Variants in SYNJ2BP observed in about 807,000 individuals in gnomAD.
The protein encoded by SYNJ2BP is synaptojanin-2-binding protein.
A neutral mutation model predicts 16.9 loss-of-function variants in SYNJ2BP; 10 were observed. The ratio of observed to expected loss-of-function variants is 0.59; its 90% CI spans 0.36 to 1.00. SYNJ2BP has a LOEUF of 1.00. Among genes scored for constraint, SYNJ2BP ranks in the 50% least tolerant of loss-of-function variants. The probability of loss-of-function intolerance (pLI) is 0.01; values close to 1 mark genes in which losing one functional copy is unlikely to be tolerated. For synonymous variants in SYNJ2BP, 54 were observed against 68.4 expected (o/e 0.79, Z 1.04); for missense variants, 162 against 186.7 (o/e 0.87, Z 0.77).
In SYNJ2BP at chr14:70,410,219, A is replaced by G. The variant is rs974702275; in HGVS notation, c.64+6681T>C. On this transcript the variant is annotated intron_variant, in intron 1 of 3. Transcript: ENST00000256366. ...AACTTGAGCTCAGGAGTTGGAGACCAGCCTGGGCAACATGGTGAAACCCCG... is the reference window on the plus strand; with the variant it reads ...AACTTGAGCTCAGGAGTTGGAGACCGGCCTGGGCAACATGGTGAAACCCCG... Among the ~76,000 whole-genome samples the G allele has an allele frequency of 2.5e-4, 38 of 152,290 alleles. 1 individual carries two copies. Among genetic ancestry groups the G allele is most frequent in the Admixed American group, 1.6e-3 (25 of 15,298 alleles).
At chr14:70,416,229 G>A (rs1397653679) in intron 1 of SYNJ2BP, among the ~76,000 whole-genome samples, 1 of 151,406 alleles carries the variant, frequency 6.6e-6, no homozygotes, top group Non-Finnish European at 1.5e-5. Flanking sequence ...CACATGAGGT[G>A]TTCATAAAAA....
At chr14:70,392,012 C>T (rs556658406) in intron 1 of SYNJ2BP, among the ~76,000 whole-genome samples, 2 of 152,320 alleles carry the variant, frequency 1.3e-5, no homozygotes, top group Non-Finnish European at 1.5e-5. Context: ...TGAACCTGGG[C>T]TGTACGGATA....
At chr14:70,411,971 C>A (rs575749887) in intron 1 of SYNJ2BP, among the ~76,000 whole-genome samples, 4 of 152,300 alleles carry the variant, frequency 2.6e-5, no homozygotes, top group African/African-American at 9.6e-5. Context: ...TAGCATTTAG[C>A]CTCACATCTA....
chr14:70,373,833 G>A (rs1887569130), intron 3 of SYNJ2BP, among the ~76,000 whole-genome samples: 1 of 152,180 alleles, frequency 6.6e-6, no homozygotes, highest in South Asian at 2.1e-4. Context: ...TTTTAGTGAT[G>A]GTTTTCAGGG....
Position 70,370,429 on chromosome 14 carries a change from A to G in SYNJ2BP, c.*2562T>C, listed in dbSNP as rs1170709420. 3 of 152,136 alleles carry G rather than the reference A, an allele frequency of 2.0e-5. No homozygotes were observed. Among genetic ancestry groups the G allele is most frequent in the Non-Finnish European group, 2.9e-5 (2 of 68,030 alleles). The allele number at this position is 152,136 out of a possible 1,614,324, so 9.4% of individuals were successfully genotyped here. A position where few individuals can be genotyped will look rare whatever the true frequency, so the allele number is the denominator to read the frequency against. Reference sequence around the variant, plus strand: ...GTCCGTGTTTTTCTGTGGAACCTACAATGAGTCCAGTTGTCTAAGTGAGTC... The same window carrying G: ...GTCCGTGTTTTTCTGTGGAACCTACGATGAGTCCAGTTGTCTAAGTGAGTC... On this transcript the variant is annotated 3_prime_UTR_variant, in exon 4 of 4. Coordinates refer to ENST00000256366, the MANE Select transcript of SYNJ2BP (RefSeq NM_018373.3).
At position 70,389,340 on chromosome 14, in the gene SYNJ2BP, T is replaced by C. The variant is rs1347499307; in HGVS notation, c.65-734A>G. 2.0e-5 allele frequency among the ~76,000 whole-genome samples: 3 copies of C among 151,920 alleles called. No homozygotes were observed. In the East Asian group the frequency reaches 5.8e-4, roughly 29 times the overall value. ...CCCAAGCTTCTGGAGAATTTATGTA[T>C]GATAGTGCTTTAGAAAAATCTCTTG... On this transcript the variant is annotated intron_variant, in intron 1 of 3. Coordinates refer to ENST00000256366, the MANE Select transcript of SYNJ2BP (RefSeq NM_018373.3).
At chr14:70,405,303 G>A (rs573363542) in intron 1 of SYNJ2BP, among the ~76,000 whole-genome samples, 2 of 152,172 alleles carry the variant, frequency 1.3e-5, no homozygotes, top group South Asian at 2.1e-4. Context: ...GGAAATAAAT[G>A]TATAATAAAT....
chr14:70,391,616 G>C (rs1887982056), intron 1 of SYNJ2BP, among the ~76,000 whole-genome samples: 1 of 152,192 alleles, frequency 6.6e-6, no homozygotes, highest in African/African-American at 2.4e-5. Flanking sequence ...AAATGCTACA[G>C]TTGCCTCTGG....
intron 1 of SYNJ2BP, among the ~76,000 whole-genome samples, chr14:70,398,685 G>A (rs903596791): frequency 1.3e-5 from 2 of 152,202 alleles, no homozygotes; most frequent in African/African-American, 2.4e-5. Context: ...AGGGTGAAGA[G>A]TGCAGAAATG....
chr14:70,396,606 G>GTA (rs1333908880), intron 1 of SYNJ2BP, among the ~76,000 whole-genome samples: 27 of 151,366 alleles, frequency 1.8e-4, no homozygotes, highest in Admixed American at 1.6e-3. Context: ...GTATATGTAT[G>GTA]TATATATATG....
At chr14:70,375,410 G>A (rs1887608112) in intron 3 of SYNJ2BP, among the ~76,000 whole-genome samples, 1 of 151,800 alleles carries the variant, frequency 6.6e-6, no homozygotes, top group Non-Finnish European at 1.5e-5. Context: ...ATGTTGGCCA[G>A]GCTGGTCTCG....
intron 1 of SYNJ2BP, among the ~76,000 whole-genome samples, chr14:70,392,927 C>T (rs1269704732): frequency 6.6e-6 from 1 of 151,980 alleles, no homozygotes; most frequent in African/African-American, 2.4e-5. Flanking sequence ...GACCACATAT[C>T]CCAAAAGCAA....
At chr14:70,410,710 C>T (rs1046357420) in intron 1 of SYNJ2BP, among the ~76,000 whole-genome samples, 22 of 152,102 alleles carry the variant, frequency 1.4e-4, no homozygotes, top group African/African-American at 4.1e-4. Flanking sequence ...TCATGTCATT[C>T]GCAGGAACGT....
intron 1 of SYNJ2BP, among the ~76,000 whole-genome samples, chr14:70,407,331 G>C (rs963231948): frequency 6.6e-6 from 1 of 151,944 alleles, no homozygotes; most frequent in Non-Finnish European, 1.5e-5. Flanking sequence ...GGGAGGCTGA[G>C]GCAGGAGAAT....
intron 2 of SYNJ2BP, among the ~76,000 whole-genome samples, chr14:70,388,200 A>G (rs1887902448): frequency 6.6e-6 from 1 of 152,206 alleles, no homozygotes; most frequent in South Asian, 2.1e-4. Flanking sequence ...TTTTCCCCAT[A>G]TGAGTCCCTC....
At chr14:70,384,904 C>G (rs887705525) in intron 2 of SYNJ2BP, among the ~76,000 whole-genome samples, 2 of 152,108 alleles carry the variant, frequency 1.3e-5, no homozygotes, top group African/African-American at 4.8e-5. Context: ...ATCTTTATAG[C>G]AGTGTGAAAA....
At chr14:70,374,869 G>A (rs1037945034) in intron 3 of SYNJ2BP, among the ~76,000 whole-genome samples, 2 of 151,798 alleles carry the variant, frequency 1.3e-5, no homozygotes, top group Admixed American at 6.6e-5. Context: ...AATTGGCTAC[G>A]TTTTTTTACC....
intron 1 of SYNJ2BP, among the ~76,000 whole-genome samples, chr14:70,394,944 G>C (rs1398027417): frequency 6.6e-6 from 1 of 152,152 alleles, no homozygotes; most frequent in Admixed American, 6.5e-5. Flanking sequence ...CTTAAGTCAG[G>C]CTGTGTGATT....
chr14:70,391,945 C>G lies in SYNJ2BP; in HGVS notation c.65-3339G>C, dbSNP rs76430049. Among the ~76,000 whole-genome samples the G allele has an allele frequency of 9.6e-4, 146 of 152,306 alleles. 1 individual carries two copies. The East Asian group carries it at 0.024, about 25-fold the overall frequency. Reference sequence around the variant, plus strand: ...TTACAGAACTGGGTGTATCTATAAGCCAAAGCATTGCTGCAATAAAAGAGT... The same window carrying G: ...TTACAGAACTGGGTGTATCTATAAGGCAAAGCATTGCTGCAATAAAAGAGT... On this transcript the variant is annotated intron_variant, in intron 1 of 3. Transcript: ENST00000256366.
Sources: allele counts gnomAD v4.1 joint callset (sites outside exome capture counted in the v4.1 genomes callset), GRCh38; gene constraint gnomAD v4.1.1; transcripts MANE v1.5; gene names NCBI Gene and HGNC (gene_info 2026-07-23, HGNC 2026-07-21).